KMT2C: variants seen among roughly 807,000 people sequenced by gnomAD.
KMT2C encodes the protein lysine methyltransferase 2C, also known as histone-lysine N-methyltransferase 2C.
Under a neutral mutation model 507.9 loss-of-function variants are expected in KMT2C, and 88 were observed. That is an observed-to-expected ratio of 0.17 (90% CI 0.15 to 0.21). The LOEUF (loss-of-function observed/expected upper bound fraction) is 0.21, where lower values mean the gene tolerates loss of function less well. KMT2C is among the 10% of genes least tolerant of loss of function. KMT2C has a pLI of 1.00. For synonymous variants in KMT2C, 2,049 were observed against 2,080.8 expected (o/e 0.98, Z 0.42); for missense variants, 4,954 against 5,957.8 (o/e 0.83, Z 5.55).
intron 46 of KMT2C, among the ~76,000 whole-genome samples, chr7:152,155,436 A>G (rs1164695518): frequency 6.6e-6 from 1 of 152,224 alleles, no homozygotes; most frequent in Non-Finnish European, 1.5e-5. Flanking sequence ...TCTTACAGTT[A>G]AAGAACTGAC....
chr7:152,351,657 T>C (rs953467421), intron 2 of KMT2C, among the ~76,000 whole-genome samples: 3 of 152,176 alleles, frequency 2.0e-5, no homozygotes, highest in Non-Finnish European at 2.9e-5. Context: ...ATTGTGAAGA[T>C]TTCACAGACA....
At position 152,339,161 on chromosome 7, in the gene KMT2C, T is replaced by C. The variant is rs73730043; in HGVS notation, c.251-8422A>G. The stretch of plus-strand genomic sequence containing the variant: ...CTTATCAATACATTAGTATATTCTT[T>C]CAAAGCGTCCTACTTTTTCAATGGA... On this transcript the variant is annotated intron_variant, in intron 2 of 58. Transcript: ENST00000262189. 1.2e-3 allele frequency among the ~76,000 whole-genome samples: 186 copies of C among 152,354 alleles called. 1 individual carries two copies. The highest frequency in any genetic ancestry group is 4.2e-3 in the African/African-American group (174 of 41,592).
rs756827480 is a variant in KMT2C, at chr7:152,356,900, T to G, written c.250+1687A>C. On this transcript the variant is annotated intron_variant, in intron 2 of 58. Coordinates refer to ENST00000262189, the MANE Select transcript of KMT2C (RefSeq NM_170606.3). ...GAGTGAGACTCCAACTCAAAAAGAA[T>G]AATAATAATAATAATAATAATAATA... 2.8e-3 allele frequency among the ~76,000 whole-genome samples: 137 copies of G among 48,322 alleles called. 1 individual carries two copies. The highest frequency in any genetic ancestry group is 0.027 in the East Asian group (65 of 2,382). The allele number at this position is 48,322 out of a possible 152,430, so 31.7% of individuals were successfully genotyped here.
chr7:152,307,278 A>AAGGAAGGAAGGAAGG (rs2096628579), intron 6 of KMT2C, among the ~76,000 whole-genome samples: 6 of 107,390 alleles, frequency 5.6e-5, no homozygotes, highest in African/African-American at 2.6e-4. Flanking sequence ...AGGAAGAAAG[A>AAGGAAGGAAGGAAGG]AAGGAAGGAA....
intron 6 of KMT2C, among the ~76,000 whole-genome samples, chr7:152,291,162 T>G (rs77413285): frequency 6.6e-6 from 1 of 152,144 alleles, no homozygotes; most frequent in Non-Finnish European, 1.5e-5. Flanking sequence ...TTTGACTTAA[T>G]AGTTGAGGGC....
chr7:152,291,041 C>G (rs2096418010), intron 6 of KMT2C, among the ~76,000 whole-genome samples: 1 of 152,038 alleles, frequency 6.6e-6, no homozygotes, highest in South Asian at 2.1e-4. Flanking sequence ...GTGACCTTAC[C>G]ACAGTATAAG....
intron 22 of KMT2C, among the ~76,000 whole-genome samples, 189 bp from the exon 23 acceptor site, chr7:152,220,924 T>C (rs989651349): frequency 2.0e-5 from 3 of 152,220 alleles, no homozygotes; most frequent in Non-Finnish European, 4.4e-5. Context: ...TCAAATTTCC[T>C]TGGATTACAG....
intron 7 of KMT2C, among the ~76,000 whole-genome samples, chr7:152,267,689 T>G (rs1349558321): frequency 6.6e-6 from 1 of 152,232 alleles, no homozygotes; most frequent in Non-Finnish European, 1.5e-5. Context: ...TAAATCATTT[T>G]CTGCACATCC....
Position 152,180,042 on chromosome 7 carries a change from G to C in KMT2C, c.7234C>G (p.Pro2412Ala), listed in dbSNP as rs13231116. Residue 2412 changes from proline to alanine, a missense_variant, in exon 37 of 59, where the codon CCC (proline) becomes GCC (alanine). Physicochemically the swap from Pro to Ala is conservative, Grantham distance 27. Coordinates refer to ENST00000262189, the MANE Select transcript of KMT2C (RefSeq NM_170606.3). Reference protein sequence around the residue: ...GRQEKGSQDSPAVPHPGPLQH... With the variant: ...GRQEKGSQDSAAVPHPGPLQH... ...AGAGGCCCTGGATGAGGCACTGCGG[G>C]TGAGTCCTGTGACCCCTTCTCCTGT... 1 of 1,614,136 alleles carries C rather than the reference G, an allele frequency of 6.2e-7. No individual in the cohort carries two copies. Among genetic ancestry groups the C allele is most frequent in the Non-Finnish European group, 8.5e-7 (1 of 1,180,024 alleles).
intron 6 of KMT2C, among the ~76,000 whole-genome samples, chr7:152,307,195 GAGGAAGGAAGGAAGGAAGGAAGGA>G (rs565184971): frequency 3.2e-4 from 21 of 64,958 alleles, no homozygotes; most frequent in Admixed American, 2.5e-3. Flanking sequence ...AAAGAAGAGG[GAGGAAGGAAGGAAGGAAGGAAGGA>G]AGGAAGGAAG....
chr7:152,413,095 A>T (rs2097699046), intron 1 of KMT2C, among the ~76,000 whole-genome samples: 1 of 152,144 alleles, frequency 6.6e-6, no homozygotes, highest in Admixed American at 6.5e-5. Context: ...CTAAACTAAC[A>T]ATGTAAATCT....
chr7:152,405,480 T>A (rs71541753), intron 1 of KMT2C, among the ~76,000 whole-genome samples: 2,406 of 119,326 alleles, frequency 0.02, no homozygotes, highest in East Asian at 0.061. Flanking sequence ...CCTGGTCTCA[T>A]GTGATCTGCC....
intron 20 of KMT2C, 73 bp from the exon 21 acceptor site, chr7:152,222,755 T>A: frequency 1.2e-6 from 1 of 804,894 alleles, no homozygotes; most frequent in Non-Finnish European, 2.1e-6. Context: ...TTAAAACCTG[T>A]AACACTGAGT....
rs1438414702 is a variant in KMT2C at position 152,435,798 on chromosome 7, G to A, written c.-12C>T. 2 of 1,327,696 alleles carry A rather than the reference G, an allele frequency of 1.5e-6. No individual in the cohort carries two copies. The highest frequency in any genetic ancestry group is 9.7e-7 in the Non-Finnish European group (1 of 1,027,620). The allele number at this position is 1,327,696 out of a possible 1,614,324, so 82.2% of individuals were successfully genotyped here. A position where few individuals can be genotyped will look rare whatever the true frequency, so the allele number is the denominator to read the frequency against. The stretch of plus-strand genomic sequence containing the variant: ...TCCTCCGACGACATCCTAGTCACCA[G>A]GAAAGACACATGGATCCCGGTCCTC... On this transcript the variant is annotated 5_prime_UTR_variant, in exon 1 of 59. Transcript: ENST00000262189.
At chr7:152,147,638 C>T (rs781303940) in intron 52 of KMT2C, among the ~76,000 whole-genome samples, 10 of 141,902 alleles carry the variant, frequency 7.0e-5, no homozygotes, top group Middle Eastern at 3.8e-3. Flanking sequence ...ACCCAGGAGG[C>T]GGAGGTTGCA....
intron 1 of KMT2C, among the ~76,000 whole-genome samples, chr7:152,418,533 C>T (rs146979101): frequency 4.6e-5 from 7 of 152,096 alleles, no homozygotes; most frequent in African/African-American, 1.2e-4. Flanking sequence ...CGGATTCCAG[C>T]GATTCTCCTG....
chr7:152,431,189 TA>T (rs1448561060), intron 1 of KMT2C, among the ~76,000 whole-genome samples: 2 of 152,190 alleles, frequency 1.3e-5, no homozygotes, highest in Non-Finnish European at 2.9e-5. Context: ...TACATATTAG[TA>T]ACCAATATGT....
At chr7:152,360,761 A>C (rs2097190401) in intron 1 of KMT2C, among the ~76,000 whole-genome samples, 1 of 151,546 alleles carries the variant, frequency 6.6e-6, no homozygotes, top group South Asian at 2.1e-4. Context: ...AGGCAGGAGA[A>C]TTGCTTGAAC....
At chr7:152,313,087 CTT>C (rs1265463247) in intron 4 of KMT2C, among the ~76,000 whole-genome samples, 5 of 152,024 alleles carry the variant, frequency 3.3e-5, no homozygotes, top group African/African-American at 4.8e-5. Flanking sequence ...AATGCATAGA[CTT>C]TTTTTAAAAG....
Sources: gnomAD v4.1 joint callset for allele counts (sites outside exome capture counted in the v4.1 genomes callset) on GRCh38, gnomAD v4.1.1 for gene constraint, MANE v1.5 for transcripts, NCBI Gene and HGNC (gene_info 2026-07-23, HGNC 2026-07-21) for gene names.